The following KDM2A variants were observed in gnomAD, a reference collection of about 807,000 sequenced individuals.
The protein encoded by KDM2A is lysine demethylase 2A.
Under a neutral mutation model 137.3 loss-of-function variants are expected in KDM2A, and 3 were observed. The ratio of observed to expected loss-of-function variants is 0.02; its 90% CI spans 0.01 to 0.06. KDM2A has a LOEUF of 0.06. Ranked by LOEUF, KDM2A falls within the 10% of genes least tolerant of loss-of-function variation. The pLI, the probability that KDM2A is intolerant of heterozygous loss-of-function variation, is 1.00. For missense variants in KDM2A, 738 were observed against 1,510.6 expected, an observed-to-expected ratio of 0.49 and a Z score of 8.48; for synonymous variants, 512 against 541.5, an observed-to-expected ratio of 0.95 and a Z score of 0.76.
intron 12 of KDM2A, among the ~76,000 whole-genome samples, chr11:67,233,098 T>G (rs1377540964): frequency 6.6e-6 from 1 of 152,158 alleles, no homozygotes; most frequent in East Asian, 1.9e-4. Flanking sequence ...AAGCTGGAAA[T>G]AGCAATTTTA....
intron 2 of KDM2A, among the ~76,000 whole-genome samples, chr11:67,170,404 C>CTTTTTTTTTTTTTTTTTT (rs1430692171): frequency 8.8e-6 from 1 of 113,762 alleles, no homozygotes; most frequent in Non-Finnish European, 1.8e-5. Flanking sequence ...TTTTTTCTTT[C>CTTTTTTTTTTTTTTTTTT]TTTCTTTTTT....
At chr11:67,162,440 T>C (rs920030953) in intron 2 of KDM2A, among the ~76,000 whole-genome samples, 4 of 152,216 alleles carry the variant, frequency 2.6e-5, no homozygotes, top group Admixed American at 6.5e-5. Context: ...AGTCTCGTTC[T>C]GTCACCCAGG....
intron 12 of KDM2A, among the ~76,000 whole-genome samples, chr11:67,241,259 T>TG (rs1451553536): frequency 6.6e-6 from 1 of 152,150 alleles, no homozygotes; most frequent in Non-Finnish European, 1.5e-5. Context: ...TTGTCCCACG[T>TG]GGCACCACAC....
In KDM2A at chr11:67,250,110, G is replaced by A. The variant is rs1169242425; in HGVS notation, c.2080G>A (p.Glu694Lys). 13 of 1,591,824 alleles carry A rather than the reference G, an allele frequency of 8.2e-6. No individual in the cohort carries two copies. The highest frequency in any genetic ancestry group is 1.1e-5 in the South Asian group (1 of 88,476). ...AQKRKMEESDEEAVQAKVLRP... is the reference protein window; with the variant it reads ...AQKRKMEESDKEAVQAKVLRP... ...GAAGCGGAAAATGGAAGAGAGTGAC[G>A]AAGAAGCTGTGCAAGCCAAAGTCCT... Residue 694 changes from glutamate (E) to lysine (K), a missense_variant, in exon 17 of 21, where the codon GAA (glutamate) becomes AAA (lysine). Around this residue, in one of 9 missense-constraint regions of KDM2A, gnomAD observed 244 missense variants for 324.6 expected, o/e 0.75. Coordinates refer to ENST00000529006, the MANE Select transcript of KDM2A (RefSeq NM_012308.3). The surrounding 1 kb of genome is among the most constrained non-coding windows in gnomAD (Gnocchi z 7.1).
chr11:67,250,873 G>A lies in KDM2A; in HGVS notation c.2768+75G>A. On this transcript the variant is annotated intron_variant, in intron 17 of 20. Transcript: ENST00000529006. This position sits in a 1 kb window ranked among gnomAD's most constrained non-coding sequence, Gnocchi z 7.1. ...CAGGTTTTCCATATGAGAACAGCAT[G>A]CACCTTGGCATCTGAAAGCCTGTGG... 1 of 1,112,476 alleles carries A rather than the reference G, an allele frequency of 9.0e-7. No homozygotes were observed. Among genetic ancestry groups the A allele is most frequent in the Non-Finnish European group, 1.3e-6 (1 of 769,962 alleles). The allele number at this position is 1,112,476 out of a possible 1,614,324, so 68.9% of individuals were successfully genotyped here.
intron 10 of KDM2A, among the ~76,000 whole-genome samples, chr11:67,223,652 C>T (rs1858441402): frequency 2.0e-5 from 3 of 152,078 alleles, no homozygotes; most frequent in Non-Finnish European, 1.5e-5. Flanking sequence ...TCAAGCAGTC[C>T]TCCAGCCTCA....
intron 5 of KDM2A, among the ~76,000 whole-genome samples, chr11:67,204,346 T>C (rs1433825197): frequency 2.0e-5 from 3 of 152,140 alleles, no homozygotes; most frequent in Non-Finnish European, 4.4e-5. Flanking sequence ...GAGCAGTCAT[T>C]CTCCGTTTTC....
intron 5 of KDM2A, chr11:67,197,049 A>G (rs1390297599): frequency 6.6e-6 from 1 of 152,480 alleles, no homozygotes; most frequent in Non-Finnish European, 1.5e-5. Context: ...GCTAATAATG[A>G]TCTTTGGAAG....
At chr11:67,200,014 A>T (rs940855655) in intron 5 of KDM2A, among the ~76,000 whole-genome samples, 1 of 152,238 alleles carries the variant, frequency 6.6e-6, no homozygotes, top group Non-Finnish European at 1.5e-5. Context: ...GAATTATGCT[A>T]AATCTACTCT....
In KDM2A at chr11:67,245,585, T is replaced by C. The variant is rs1005253057; in HGVS notation, c.1833+127T>C. ...AAAAGGTTTATACTCTCTTTTTGGC[T>C]TTATTTTGTACCTTTTTTCCCCAGG... On this transcript the variant is annotated intron_variant, in intron 14 of 20. Transcript: ENST00000529006. The surrounding 1 kb of genome is among the most constrained non-coding windows in gnomAD (Gnocchi z 4.1). 2.8e-5 allele frequency: 30 copies of C among 1,063,824 alleles called. No homozygotes were observed. Among genetic ancestry groups the C allele is most frequent in the Non-Finnish European group, 3.6e-5 (27 of 748,360 alleles). 65.9% of individuals were successfully genotyped at this position (1,063,824 alleles called of 1,614,324 possible).
At chr11:67,176,899 C>T (rs756952722) in intron 2 of KDM2A, among the ~76,000 whole-genome samples, 1 of 152,040 alleles carries the variant, frequency 6.6e-6, no homozygotes, top group Non-Finnish European at 1.5e-5. Flanking sequence ...ATGCGAGGGC[C>T]TAAGACACTT....
intron 12 of KDM2A, chr11:67,240,411 G>A (rs1323584317): frequency 6.7e-7 from 1 of 1,501,892 alleles, no homozygotes. Context: ...TTTGGGGTGC[G>A]TGTAACTATA....
chr11:67,223,949 A>G (rs1353930246), intron 10 of KDM2A, among the ~76,000 whole-genome samples: 2 of 152,216 alleles, frequency 1.3e-5, no homozygotes, highest in Non-Finnish European at 2.9e-5. Context: ...ACTTCCGTGT[A>G]AGAGAGTCAT....
Position 67,156,610 on chromosome 11 carries a change from T to C in KDM2A, c.43-23469T>C, listed in dbSNP as rs911691366. Among the ~76,000 whole-genome samples, 4 of 151,228 alleles carry C rather than the reference T, an allele frequency of 2.6e-5. No homozygotes were observed. In the East Asian group the frequency reaches 7.8e-4, roughly 30 times the overall value. On this transcript the variant is annotated intron_variant, in intron 2 of 20. Coordinates refer to ENST00000529006, the MANE Select transcript of KDM2A (RefSeq NM_012308.3). ...GGTAGGCGCCTGTAGTCCCAGCTAC[T>C]CAGGAGGCTGAGGCAGGAGAATGGC...
intron 6 of KDM2A, among the ~76,000 whole-genome samples, chr11:67,208,245 T>A (rs1480439577): frequency 6.7e-6 from 1 of 149,552 alleles, no homozygotes; most frequent in South Asian, 2.1e-4. Context: ...TTAAAAAAAT[T>A]TTTTTTTTTT....
intron 2 of KDM2A, among the ~76,000 whole-genome samples, chr11:67,169,759 C>CTCTCTCTCTCTCT (rs756503460): frequency 0.065 from 4,252 of 65,598 alleles, 185 homozygotes; most frequent in East Asian, 0.14. Context: ...CTCTCTCTCT[C>CTCTCTCTCTCTCT]TTTTTTTTTT....
At chr11:67,242,123 A>C (rs1859062278) in intron 12 of KDM2A, among the ~76,000 whole-genome samples, 1 of 152,202 alleles carries the variant, frequency 6.6e-6, no homozygotes, top group African/African-American at 2.4e-5. Flanking sequence ...ACAGTCAACC[A>C]GTGTGATTCA....
chr11:67,193,391 G>A (rs956585993), intron 5 of KDM2A, among the ~76,000 whole-genome samples: 1 of 152,188 alleles, frequency 6.6e-6, no homozygotes, highest in Non-Finnish European at 1.5e-5. Flanking sequence ...AATGTTTATT[G>A]ACTATTTGGG....
intron 5 of KDM2A, among the ~76,000 whole-genome samples, chr11:67,203,903 C>G (rs994743390): frequency 6.6e-6 from 1 of 151,378 alleles, no homozygotes; most frequent in Non-Finnish European, 1.5e-5. Flanking sequence ...TGAATTCAAG[C>G]AAATCTCTTG....
Sources: allele counts gnomAD v4.1 joint callset (sites outside exome capture counted in the v4.1 genomes callset), GRCh38; gene constraint gnomAD v4.1.1; regional missense constraint gnomAD v4.1.1; non-coding constraint Gnocchi (gnomAD v3.1); transcripts MANE v1.5; gene names NCBI Gene and HGNC (gene_info 2026-07-23, HGNC 2026-07-21).